The following ZYG11A variants were observed in gnomAD, a reference collection of about 807,000 sequenced individuals.
The protein encoded by ZYG11A is zyg-11 family member A, cell cycle regulator.
A neutral mutation model predicts 77.2 loss-of-function variants in ZYG11A; 62 were observed. The ratio of observed to expected loss-of-function variants is 0.80; its 90% CI spans 0.65 to 0.99. ZYG11A has a LOEUF of 0.99. Ranked by LOEUF, ZYG11A falls within the 50% of genes least tolerant of loss-of-function variation. The pLI is 0.00. For synonymous variants in ZYG11A, 315 were observed against 324.6 expected (o/e 0.97, Z 0.32); for missense variants, 828 against 896.8 (o/e 0.92, Z 0.98).
chr1:52,864,845 G>T (rs1645996212), intron 5 of ZYG11A, among the ~76,000 whole-genome samples: 1 of 150,002 alleles, frequency 6.7e-6, no homozygotes, highest in Non-Finnish European at 1.5e-5. Flanking sequence ...GTAGAGATGG[G>T]TTTCACCGTG....
chr1:52,878,949 C>CAAAA (rs914463472), intron 10 of ZYG11A, among the ~76,000 whole-genome samples: 4 of 27,250 alleles, frequency 1.5e-4, no homozygotes, highest in South Asian at 2.0e-3. Flanking sequence ...AAACTCTGCT[C>CAAAA]AAAAAAAAAA....
chr1:52,886,950 T>C lies in ZYG11A; in HGVS notation c.2007-6T>C. ...ATTAACATCTTTGTACTTTTTTTTG[T>C]TTTAGATCTTTCAAGACATTTTTCC... is the stretch of plus-strand genomic sequence containing the variant. On this transcript the variant is annotated splice_polypyrimidine_tract_variant and splice_region_variant and intron_variant, in intron 12 of 13. Coordinates refer to ENST00000371528, the MANE Select transcript of ZYG11A (RefSeq NM_001004339.3). 6.6e-7 allele frequency: 1 copy of C among 1,523,936 alleles called. No homozygotes were observed. The highest frequency in any genetic ancestry group is 8.9e-7 in the Non-Finnish European group (1 of 1,123,002). The allele number at this position is 1,523,936 out of a possible 1,614,324, so 94.4% of individuals were successfully genotyped here.
chr1:52,870,712 ACAGT>A (rs1249122307), intron 8 of ZYG11A, among the ~76,000 whole-genome samples: 1 of 152,130 alleles, frequency 6.6e-6, no homozygotes, highest in Non-Finnish European at 1.5e-5. Flanking sequence ...AATACGAAAA[ACAGT>A]CAGGCGTGAC....
chr1:52,869,605 T>C (rs1646101906), intron 8 of ZYG11A, among the ~76,000 whole-genome samples: 1 of 151,980 alleles, frequency 6.6e-6, no homozygotes, highest in Non-Finnish European at 1.5e-5. Flanking sequence ...AGGATTTTTC[T>C]TAGTACAGAA....
chr1:52,879,077 T>C (rs1646317065), intron 10 of ZYG11A, among the ~76,000 whole-genome samples: 1 of 152,140 alleles, frequency 6.6e-6, no homozygotes, highest in African/African-American at 2.4e-5. Flanking sequence ...TTTTTAGCAG[T>C]TTCTTTGTTG....
chr1:52,843,977 T>A (rs1034008797), intron 1 of ZYG11A, among the ~76,000 whole-genome samples: 3 of 152,130 alleles, frequency 2.0e-5, no homozygotes, highest in Non-Finnish European at 1.5e-5. Context: ...TCAGCCACCG[T>A]GCCCGGCCAA....
intron 13 of ZYG11A, among the ~76,000 whole-genome samples, chr1:52,892,528 C>CA (rs1254292569): frequency 0.012 from 1,593 of 131,624 alleles, 11 homozygotes; most frequent in Middle Eastern, 0.072. Flanking sequence ...AACTCTGTCT[C>CA]AAAAAAAAAA....
intron 10 of ZYG11A, among the ~76,000 whole-genome samples, chr1:52,879,574 A>G (rs1475114599): frequency 4.0e-5 from 6 of 151,808 alleles, no homozygotes; most frequent in Non-Finnish European, 8.8e-5. Context: ...TTATAATGTA[A>G]TCAATAAGTG....
intron 1 of ZYG11A, among the ~76,000 whole-genome samples, chr1:52,849,901 A>G (rs1333209829): frequency 7.6e-5 from 11 of 144,258 alleles, no homozygotes; most frequent in Admixed American, 1.4e-4. Context: ...AGCCAGGATG[A>G]TCTCCATCTG....
rs1646288822 is a variant in ZYG11A at position 52,877,830 on chromosome 1, T to C, written c.1691T>C (p.Ile564Thr). ...GAAAATCAAGGATTGCAAATCTTCATCCAAGTCTTGGAGGTGGGAAGACAG... is the reference window on the plus strand; with the variant it reads ...GAAAATCAAGGATTGCAAATCTTCACCCAAGTCTTGGAGGTGGGAAGACAG... Reference protein sequence around the residue: ...FIENQGLQIFIQVLETFSESA... With the variant: ...FIENQGLQIFTQVLETFSESA... Residue 564 changes from isoleucine to threonine, a missense_variant, in exon 9 of 14, where the codon ATC becomes ACC. Ile to Thr is a moderately conservative substitution (Grantham distance 89). Coordinates refer to ENST00000371528, the MANE Select transcript of ZYG11A (RefSeq NM_001004339.3). 1.9e-6 allele frequency: 3 copies of C among 1,551,546 alleles called. No individual in the cohort carries two copies. The highest frequency in any genetic ancestry group is 1.7e-6 in the Non-Finnish European group (2 of 1,146,954).
intron 3 of ZYG11A, among the ~76,000 whole-genome samples, chr1:52,858,276 G>A (rs551518983): frequency 3.3e-4 from 49 of 150,052 alleles, no homozygotes; most frequent in African/African-American, 1.2e-3. Context: ...GGCGCCTGTA[G>A]TCCCAGCTAC....
intron 1 of ZYG11A, among the ~76,000 whole-genome samples, chr1:52,843,500 A>C (rs925607260): frequency 1.3e-5 from 2 of 152,198 alleles, no homozygotes; most frequent in Admixed American, 6.5e-5. Context: ...CGAGTAGCTT[A>C]GTCCGGCTGG....
At chr1:52,867,388 C>T (rs964562672) in intron 6 of ZYG11A, 151 bp from the exon 7 acceptor site, 10 of 613,158 alleles carry the variant, frequency 1.6e-5, no homozygotes, top group Non-Finnish European at 2.9e-5. Flanking sequence ...GGTCTTCTCT[C>T]TGCCAAATGC....
rs907221384 is a variant in ZYG11A at position 52,846,196 on chromosome 1, C to CCA, written c.90+3224_90+3225dup. Among the ~76,000 whole-genome samples the CCA allele has an allele frequency of 3.3e-5, 5 of 150,980 alleles. No homozygotes were observed. The Admixed American group carries it at 3.3e-4, about 10-fold the overall frequency. ...TGTGGACCCCAGGACCTCCAGAATC[C>CCA]CATCTCTTCCATTAGCCTGCCTGTT... On this transcript the variant is annotated intron_variant, in intron 1 of 13. Transcript: ENST00000371528.
chr1:52,850,775 G>C (rs1163937676), intron 1 of ZYG11A, among the ~76,000 whole-genome samples: 1 of 152,074 alleles, frequency 6.6e-6, no homozygotes, highest in Non-Finnish European at 1.5e-5. Context: ...TTCAACTCTA[G>C]ACGTTTCCTT....
intron 1 of ZYG11A, among the ~76,000 whole-genome samples, chr1:52,849,574 G>A (rs1193639954): frequency 1.3e-5 from 2 of 151,868 alleles, no homozygotes; most frequent in African/African-American, 4.8e-5. Context: ...CACCATGTTG[G>A]CCAGACTGGT....
chr1:52,847,835 A>ATTT (rs1645622995), intron 1 of ZYG11A, among the ~76,000 whole-genome samples: 19 of 119,362 alleles, frequency 1.6e-4, no homozygotes, highest in South Asian at 1.4e-3. Flanking sequence ...ACGCCTTGCT[A>ATTT]ATTTATTTAT....
intron 11 of ZYG11A, among the ~76,000 whole-genome samples, chr1:52,884,699 CT>C (rs1646417885): frequency 6.6e-6 from 1 of 151,992 alleles, no homozygotes; most frequent in Non-Finnish European, 1.5e-5. Flanking sequence ...GTCTGAAAGC[CT>C]AGTAAAAGGA....
intron 11 of ZYG11A, among the ~76,000 whole-genome samples, chr1:52,882,409 G>A (rs1311056485): frequency 6.6e-6 from 1 of 152,068 alleles, no homozygotes; most frequent in Non-Finnish European, 1.5e-5. Flanking sequence ...TTCCTTCCAT[G>A]TGGTCTGCTT....
Sources: gnomAD v4.1 joint callset for allele counts (sites outside exome capture counted in the v4.1 genomes callset) on GRCh38, gnomAD v4.1.1 for gene constraint, MANE v1.5 for transcripts, NCBI Gene and HGNC (gene_info 2026-07-23, HGNC 2026-07-21) for gene names.